CLSTN2: variants seen among roughly 807,000 people sequenced by gnomAD.
CLSTN2 encodes the protein calsyntenin-2.
CLSTN2 carries 48 observed loss-of-function variants against 101.2 expected under a neutral mutation model. That is an observed-to-expected ratio of 0.47 (90% CI 0.38 to 0.60). CLSTN2 has a LOEUF of 0.60. Among genes scored for constraint, CLSTN2 ranks in the 20% least tolerant of loss-of-function variants. The pLI is 0.00. For missense variants in CLSTN2, 1,160 were observed against 1,238.2 expected, an observed-to-expected ratio of 0.94 and a Z score of 0.95; for synonymous variants, 481 against 463.6, an observed-to-expected ratio of 1.04 and a Z score of -0.48.
At chr3:140,270,042 G>T (rs1305821034) in intron 2 of CLSTN2, among the ~76,000 whole-genome samples, 1 of 152,126 alleles carries the variant, frequency 6.6e-6, no homozygotes, top group Non-Finnish European at 1.5e-5. Context: ...TAAAGACAGG[G>T]CTACATTTAA....
At chr3:140,312,490 G>A (rs1359139767) in intron 2 of CLSTN2, among the ~76,000 whole-genome samples, 2 of 152,084 alleles carry the variant, frequency 1.3e-5, no homozygotes, top group African/African-American at 2.4e-5. Context: ...ATCATCTTTC[G>A]TCTACAATTC....
At chr3:140,368,403 C>T (rs551542788) in intron 2 of CLSTN2, among the ~76,000 whole-genome samples, 13 of 152,134 alleles carry the variant, frequency 8.5e-5, no homozygotes, top group Non-Finnish European at 1.6e-4. Flanking sequence ...GCCCTGGGAC[C>T]TTCCTGCCTA....
chr3:139,988,279 A>G (rs568626122), intron 1 of CLSTN2, among the ~76,000 whole-genome samples: 1 of 152,310 alleles, frequency 6.6e-6, no homozygotes, highest in Admixed American at 6.5e-5. Flanking sequence ...TTCATACATT[A>G]AAAACAAGAA....
At chr3:140,421,368 T>G in intron 5 of CLSTN2, 94 bp downstream of exon 5, 1 of 1,445,144 alleles carries the variant, frequency 6.9e-7, no homozygotes, top group Non-Finnish European at 9.5e-7. Flanking sequence ...CACATAACTT[T>G]TTAAAGTACA....
At chr3:140,494,753 G>A (rs1388219346) in intron 8 of CLSTN2, among the ~76,000 whole-genome samples, 1 of 152,116 alleles carries the variant, frequency 6.6e-6, no homozygotes, top group African/African-American at 2.4e-5. Context: ...TAAGGATAAT[G>A]GCTTTTAGCT....
chr3:140,109,804 T>C (rs1047304115), intron 1 of CLSTN2, among the ~76,000 whole-genome samples: 5 of 152,162 alleles, frequency 3.3e-5, no homozygotes, highest in African/African-American at 1.2e-4. Flanking sequence ...ACTTGGATTT[T>C]GCGTGATCTA....
chr3:139,988,478 T>A (rs1263907437), intron 1 of CLSTN2, among the ~76,000 whole-genome samples: 2 of 152,112 alleles, frequency 1.3e-5, no homozygotes, highest in Non-Finnish European at 2.9e-5. Context: ...GTTTATTGAG[T>A]TGTGTTCAGT....
chr3:140,344,988 C>T (rs1029317966), intron 2 of CLSTN2, among the ~76,000 whole-genome samples: 4 of 152,128 alleles, frequency 2.6e-5, no homozygotes, highest in Admixed American at 6.5e-5. Context: ...ATGAACCATA[C>T]GAGCCGTCTG....
chr3:140,478,704 C>T (rs776638603), intron 8 of CLSTN2, among the ~76,000 whole-genome samples: 56 of 151,318 alleles, frequency 3.7e-4, no homozygotes, highest in Non-Finnish European at 6.5e-4. Flanking sequence ...GAATTATACA[C>T]TTACAACGAG....
intron 1 of CLSTN2, among the ~76,000 whole-genome samples, chr3:140,120,061 G>A (rs2009313870): frequency 6.6e-6 from 1 of 152,174 alleles, no homozygotes; most frequent in East Asian, 1.9e-4. Context: ...CACACCCTAA[G>A]CAGTGGATGC....
intron 1 of CLSTN2, among the ~76,000 whole-genome samples, chr3:140,073,143 G>A (rs1252911000): frequency 6.6e-5 from 10 of 151,986 alleles, no homozygotes; most frequent in African/African-American, 9.7e-5. Flanking sequence ...ACTGCTTTTC[G>A]GTCATTTTCT....
intron 2 of CLSTN2, among the ~76,000 whole-genome samples, chr3:140,210,662 G>A: frequency 6.6e-6 from 1 of 152,118 alleles, no homozygotes; most frequent in East Asian, 1.9e-4. Flanking sequence ...AATCCACACT[G>A]TGTCTGGACC....
intron 1 of CLSTN2, among the ~76,000 whole-genome samples, chr3:140,029,200 G>T (rs2007495292): frequency 6.6e-6 from 1 of 152,110 alleles, no homozygotes; most frequent in Admixed American, 6.5e-5. Flanking sequence ...CTGAGAATCT[G>T]ATACATACTT....
At chr3:140,253,874 G>A (rs1473567533) in intron 2 of CLSTN2, among the ~76,000 whole-genome samples, 1 of 151,926 alleles carries the variant, frequency 6.6e-6, no homozygotes, top group Admixed American at 6.6e-5. Flanking sequence ...CACTTCTGGA[G>A]CTCCCAAGGG....
At chr3:140,554,556 G>A (rs1428698193) in intron 10 of CLSTN2, among the ~76,000 whole-genome samples, 1 of 152,176 alleles carries the variant, frequency 6.6e-6, no homozygotes, top group East Asian at 1.9e-4. Context: ...TCATACCCTG[G>A]TGGAAGGAGT....
chr3:140,261,676 G>A (rs1475969186), intron 2 of CLSTN2, among the ~76,000 whole-genome samples: 1 of 152,046 alleles, frequency 6.6e-6, no homozygotes. Flanking sequence ...ATACTAGCCT[G>A]TTATATACAT....
chr3:140,465,856 G>A (rs562981774), intron 7 of CLSTN2, among the ~76,000 whole-genome samples: 51 of 152,194 alleles, frequency 3.4e-4, no homozygotes, highest in Middle Eastern at 3.4e-3. Flanking sequence ...TGGAACACGC[G>A]CCTCCTGGTA....
chr3:140,064,091 G>T (rs1274025572), intron 1 of CLSTN2, among the ~76,000 whole-genome samples: 1 of 152,158 alleles, frequency 6.6e-6, no homozygotes, highest in Non-Finnish European at 1.5e-5. Context: ...AGATAGCAGA[G>T]TACTCTGGGG....
intron 1 of CLSTN2, among the ~76,000 whole-genome samples, chr3:140,068,981 G>A (rs2008347763): frequency 6.6e-6 from 1 of 152,110 alleles, no homozygotes; most frequent in Non-Finnish European, 1.5e-5. Context: ...ATAGGATTTT[G>A]GGGAGGAATT....
Sources: allele counts gnomAD v4.1 joint callset (sites outside exome capture counted in the v4.1 genomes callset), GRCh38; gene constraint gnomAD v4.1.1; transcripts MANE v1.5; gene names NCBI Gene and HGNC (gene_info 2026-07-23, HGNC 2026-07-21).